Variants in TTC3 observed in about 807,000 individuals in gnomAD.
The protein encoded by TTC3 is tetratricopeptide repeat domain 3, also known as E3 ubiquitin-protein ligase TTC3.
TTC3 carries 180 observed loss-of-function variants against 249.6 expected under a neutral mutation model. That is an observed-to-expected ratio of 0.72 (90% CI 0.64 to 0.82). The LOEUF (loss-of-function observed/expected upper bound fraction) is 0.82. Ranked by LOEUF, TTC3 falls within the 40% of genes least tolerant of loss-of-function variation. The probability of loss-of-function intolerance (pLI) is 0.00; values close to 1 mark genes in which losing one functional copy is unlikely to be tolerated. For missense variants in TTC3, 2,061 were observed against 2,398.4 expected (o/e 0.86, Z 2.94); for synonymous variants, 717 against 805.0 (o/e 0.89, Z 1.85).
intron 17 of TTC3, 104 bp from the exon 18 acceptor site, chr21:37,135,276 C>T (rs2077826144): frequency 1.6e-6 from 2 of 1,263,326 alleles, no homozygotes; most frequent in African/African-American, 1.5e-5. Flanking sequence ...TTGATGTAAA[C>T]ATTTTATCAT....
chr21:37,129,046 T>C (rs975230441), exon 16 of TTC3: 1 of 1,593,542 alleles, frequency 6.3e-7, no homozygotes, highest in East Asian at 2.3e-5. Flanking sequence ...CTCGAAACAA[T>C]GAATCAGAAA....
At position 37,122,932 on chromosome 21, in the gene TTC3, G is replaced by A. The variant is rs530071920; in HGVS notation, c.1064-51G>A. ...AAATTTGAAATCTTTTAAAGTCTGT[G>A]TTGCCAATCCATTGATTACTATGTG... On this transcript the variant is annotated intron_variant, in intron 12 of 45. Coordinates refer to ENST00000355666, the Ensembl canonical transcript of TTC3. 18 of 1,588,614 alleles carry A rather than the reference G, an allele frequency of 1.1e-5. No homozygotes were observed. In the Admixed American group the frequency reaches 2.1e-4, roughly 18 times the overall value.
exon 27 of TTC3, chr21:37,153,222 G>A: frequency 1.2e-6 from 2 of 1,614,052 alleles, no homozygotes; most frequent in East Asian, 2.2e-5. Context: ...TTTTGAGTGA[G>A]CTTAAAGAAG....
chr21:37,079,517 G>GTTTTTTTTTTTTTT (rs60361476), intron 1 of TTC3, among the ~76,000 whole-genome samples: 4 of 91,218 alleles, frequency 4.4e-5, no homozygotes, highest in African/African-American at 1.4e-4. Context: ...TTATGGTATG[G>GTTTTTTTTTTTTTT]TTTTTTTTTT....
At chr21:37,092,153 G>A (rs1270007792) in intron 7 of TTC3, among the ~76,000 whole-genome samples, 4 of 152,126 alleles carry the variant, frequency 2.6e-5, no homozygotes, top group Non-Finnish European at 5.9e-5. Flanking sequence ...TTTCTTTAAA[G>A]CATTTGAATA....
chr21:37,108,374 A>G lies in TTC3; in HGVS notation c.846-18A>G, dbSNP rs1378924926. On this transcript the variant is annotated intron_variant, in intron 10 of 45. Coordinates refer to ENST00000355666, the Ensembl canonical transcript of TTC3. Reference sequence around the variant, plus strand: ...TATAAAAGAGTGAAAATTTTTAAATACTTGTTTTTCCTTTTAGAAATGCAC... The same window carrying G: ...TATAAAAGAGTGAAAATTTTTAAATGCTTGTTTTTCCTTTTAGAAATGCAC... The G allele has an allele frequency of 6.2e-7, 1 of 1,601,440 alleles. No homozygotes were observed. Among genetic ancestry groups the G allele is most frequent in the Non-Finnish European group, 8.5e-7 (1 of 1,176,284 alleles).
chr21:37,190,517 T>TAGTACAGCTGAGGTTGAGACCA (rs1351923926), intron 39 of TTC3, among the ~76,000 whole-genome samples: 4 of 152,168 alleles, frequency 2.6e-5, no homozygotes, highest in African/African-American at 9.7e-5. Context: ...AATATAGGAC[T>TAGTACAGCTGAGGTTGAGACCA]AGTACAGCTG....
At chr21:37,129,121 A>T in intron 16 of TTC3, 58 bp downstream of exon 16, 3 of 1,328,848 alleles carry the variant, frequency 2.3e-6, no homozygotes, top group Non-Finnish European at 1.0e-6. Context: ...CCCAAGAAAA[A>T]GGAAAAAAAA....
exon 42 of TTC3, chr21:37,195,975 C>T: frequency 6.2e-7 from 1 of 1,614,150 alleles, no homozygotes; most frequent in Non-Finnish European, 8.5e-7. Context: ...AAGCCAGTCT[C>T]CAAAAAAGCC....
At chr21:37,149,719 T>C (rs1021441619) in intron 23 of TTC3, among the ~76,000 whole-genome samples, 5 of 152,218 alleles carry the variant, frequency 3.3e-5, no homozygotes, top group Non-Finnish European at 5.9e-5. Flanking sequence ...TCCTTGTTTC[T>C]CAATCTAAGT....
chr21:37,195,186 T>G (rs2084737327), intron 41 of TTC3, among the ~76,000 whole-genome samples: 1 of 152,188 alleles, frequency 6.6e-6, no homozygotes, highest in Non-Finnish European at 1.5e-5. Flanking sequence ...TTAAAAAGAT[T>G]TGGCCTCAGG....
chr21:37,111,682 C>A (rs2075675400), intron 11 of TTC3, among the ~76,000 whole-genome samples: 1 of 152,180 alleles, frequency 6.6e-6, no homozygotes, highest in Admixed American at 6.5e-5. Context: ...TTGAACTCAG[C>A]TCTGCACCAA....
chr21:37,196,765 G>A (rs73395189), intron 42 of TTC3, among the ~76,000 whole-genome samples: 4,132 of 152,242 alleles, frequency 0.027, 196 homozygotes, highest in African/African-American at 0.094. Flanking sequence ...TGTTATATAA[G>A]ACCTCTGATT....
intron 42 of TTC3, 98 bp from the exon 43 acceptor site, chr21:37,197,472 G>T: frequency 7.0e-7 from 1 of 1,436,852 alleles, no homozygotes. Context: ...ATTTGTCTTT[G>T]TTTCTTTGGG....
intron 35 of TTC3, among the ~76,000 whole-genome samples, chr21:37,178,378 G>C (rs184177865): frequency 6.6e-6 from 1 of 152,114 alleles, no homozygotes; most frequent in Non-Finnish European, 1.5e-5. Context: ...ACATTTAAGC[G>C]TATGAGGAAC....
Position 37,090,224 on chromosome 21 carries a change from A to C in TTC3, c.427-9A>C. The C allele has an allele frequency of 6.3e-7, 1 of 1,581,870 alleles. No individual in the cohort carries two copies. The highest frequency in any genetic ancestry group is 1.2e-5 in the South Asian group (1 of 85,084). On this transcript the variant is annotated splice_polypyrimidine_tract_variant and intron_variant, in intron 5 of 45. Coordinates refer to ENST00000355666, the Ensembl canonical transcript of TTC3. ...TAAGGAAAAAATATGTCCTTTTTTT[A>C]TTTTTCAGAATGATTCATTCCTTAT...
At chr21:37,126,184 A>G in intron 15 of TTC3, 41 bp downstream of exon 15, 1 of 1,589,838 alleles carries the variant, frequency 6.3e-7, no homozygotes, top group South Asian at 1.1e-5. Context: ...AAGTTAATAT[A>G]ATGTCTCCTA....
chr21:37,162,215 G>T, intron 31 of TTC3, 152 bp downstream of exon 31: 1 of 511,462 alleles, frequency 2.0e-6, no homozygotes, highest in South Asian at 4.0e-5. Flanking sequence ...ATTCCATCTT[G>T]ATTACATTTA....
At position 37,156,944 on chromosome 21, in the gene TTC3, C is replaced by T. The variant is rs965066044; in HGVS notation, c.2992+38C>T. On this transcript the variant is annotated intron_variant, in intron 28 of 45. Transcript: ENST00000355666. ...AGTTTAGACTTATATTACATTTAAT[C>T]TTAAGGGGGAAAAAATCTGTGAAGG... The T allele has an allele frequency of 3.2e-6, 5 of 1,586,234 alleles. No individual in the cohort carries two copies. In the Admixed American group the frequency reaches 5.4e-5, roughly 17 times the overall value.
Sources: allele counts gnomAD v4.1 joint callset (sites outside exome capture counted in the v4.1 genomes callset), GRCh38; gene constraint gnomAD v4.1.1; transcripts MANE v1.5; gene names NCBI Gene and HGNC (gene_info 2026-07-23, HGNC 2026-07-21).